The following C4orf36 variants were observed in gnomAD, a reference collection of about 807,000 sequenced individuals.
C4orf36 encodes the protein uncharacterized protein C4orf36.
In C4orf36, 11 loss-of-function variants were observed where a neutral mutation model predicts 12.2. The observed-to-expected ratio is 0.90, with a 90% confidence interval of 0.57 to 1.49. The LOEUF (loss-of-function observed/expected upper bound fraction) is 1.49. C4orf36 is among the 40% of genes most tolerant of loss of function. The pLI is 0.00. For missense variants in C4orf36, 137 were observed against 133.9 expected, an observed-to-expected ratio of 1.02 and a Z score of -0.11; for synonymous variants, 54 against 51.3, an observed-to-expected ratio of 1.05 and a Z score of -0.22.
the C4orf36 span, among the ~76,000 whole-genome samples, chr4:86,908,733 C>T: frequency 1.3e-5 from 2 of 150,328 alleles, no homozygotes; most frequent in Non-Finnish European, 3.0e-5. Context: ...GCTGTGATAA[C>T]TTCTGGGATA....
chr4:86,886,940 A>G (rs1747194040), intron 4 of C4orf36: 1 of 152,248 alleles, frequency 6.6e-6, no homozygotes, highest in Admixed American at 6.5e-5. Context: ...GCCATAAAAA[A>G]TAATGAGTTC....
At chr4:86,896,621 T>C (rs570709199), upstream of C4orf36, among the ~76,000 whole-genome samples, 4 of 152,314 alleles carry the variant, frequency 2.6e-5, no homozygotes, top group East Asian at 7.7e-4. Context: ...CGCCCTTAAA[T>C]TTATGTCTTC....
the C4orf36 span, among the ~76,000 whole-genome samples, chr4:86,923,414 T>A: frequency 6.6e-6 from 1 of 152,100 alleles, no homozygotes; most frequent in African/African-American, 2.4e-5. Context: ...AGAGTTATCC[T>A]TTATCTGTCT....
At chr4:86,913,260 C>G in the C4orf36 span, 2 of 595,494 alleles carry the variant, frequency 3.4e-6, no homozygotes, top group Admixed American at 2.0e-5. Context: ...AGCTTCACAT[C>G]CAGAGGCCCT....
At chr4:86,922,157 A>G in the C4orf36 span, among the ~76,000 whole-genome samples, 2 of 152,212 alleles carry the variant, frequency 1.3e-5, no homozygotes, top group African/African-American at 2.4e-5. Flanking sequence ...AAAGATGGAA[A>G]ATGGTCTAAC....
At chr4:86,883,448 T>C (rs568256201) in intron 4 of C4orf36, among the ~76,000 whole-genome samples, 38 of 152,338 alleles carry the variant, frequency 2.5e-4, no homozygotes, top group African/African-American at 8.2e-4. Context: ...CAATATAATA[T>C]ATCTTCTATA....
chr4:86,890,896 G>A lies in C4orf36; in HGVS notation c.65+560C>T, dbSNP rs571332581. 6.3e-4 allele frequency among the ~76,000 whole-genome samples: 96 copies of A among 152,326 alleles called. 3 individuals are homozygous for A. In the South Asian group the frequency reaches 0.019, roughly 30 times the overall value. ...TGCATCTTGCAGATGCAGAGATCAA[G>A]GTACGAAGAAGATGGCCTTAGGGAG... On this transcript the variant is annotated intron_variant, in intron 2 of 4. Transcript: ENST00000295898.
the C4orf36 span, among the ~76,000 whole-genome samples, chr4:86,919,608 A>G: frequency 2.6e-5 from 4 of 152,068 alleles, no homozygotes; most frequent in Non-Finnish European, 5.9e-5. Flanking sequence ...TACAGGCATG[A>G]GCTACTGCGC....
chr4:86,891,366 G>C, intron 2 of C4orf36, 90 bp downstream of exon 2: 2 of 1,206,264 alleles, frequency 1.7e-6, no homozygotes, highest in Non-Finnish European at 1.2e-6. Context: ...CTCATGGGGA[G>C]CACAGAGTGT....
chr4:86,925,806 C>T, the C4orf36 span: 2 of 150,594 alleles, frequency 1.3e-5, no homozygotes, highest in South Asian at 4.2e-4. Flanking sequence ...ACTTTTCAAT[C>T]TGAAATCATT....
At chr4:86,922,420 C>G in the C4orf36 span, among the ~76,000 whole-genome samples, 1 of 152,324 alleles carries the variant, frequency 6.6e-6, no homozygotes, top group East Asian at 1.9e-4. Context: ...GAGGGTAACA[C>G]TGTGCCAGTT....
chr4:86,898,129 C>T, the C4orf36 span, among the ~76,000 whole-genome samples: 5 of 152,276 alleles, frequency 3.3e-5, no homozygotes, highest in South Asian at 2.1e-4. Context: ...AAGTGGCTCA[C>T]GCCTGTAATC....
intron 4 of C4orf36, among the ~76,000 whole-genome samples, chr4:86,884,860 A>G (rs1302192890): frequency 1.3e-5 from 2 of 152,166 alleles, no homozygotes; most frequent in East Asian, 3.9e-4. Context: ...TCTGTAATCC[A>G]TCTTGAATTA....
At chr4:86,900,925 A>G in the C4orf36 span, among the ~76,000 whole-genome samples, 9,467 of 151,932 alleles carry the variant, frequency 0.062, 434 homozygotes, top group Non-Finnish European at 0.088. Flanking sequence ...AACACAGCAG[A>G]GTGAGCTGTT....
At chr4:86,878,650 T>C (rs1347180099) in intron 4 of C4orf36, among the ~76,000 whole-genome samples, 2 of 152,218 alleles carry the variant, frequency 1.3e-5, no homozygotes, top group African/African-American at 4.8e-5. Flanking sequence ...AACCCCATTT[T>C]TCCTCAGGAG....
chr4:86,898,144 C>A, the C4orf36 span, among the ~76,000 whole-genome samples: 1 of 152,214 alleles, frequency 6.6e-6, no homozygotes, highest in Non-Finnish European at 1.5e-5. Context: ...GTAATCCCAG[C>A]ACATTAGGAA....
At chr4:86,902,619 C>T in the C4orf36 span, among the ~76,000 whole-genome samples, 2 of 152,074 alleles carry the variant, frequency 1.3e-5, no homozygotes, top group Non-Finnish European at 1.5e-5. Context: ...CACCACCTGC[C>T]TTTACCTTAG....
At chr4:86,903,232 C>T in the C4orf36 span, among the ~76,000 whole-genome samples, 2 of 152,236 alleles carry the variant, frequency 1.3e-5, no homozygotes, top group African/African-American at 4.8e-5. Context: ...AGTGGCCAGG[C>T]CCGGTGGCTT....
chr4:86,879,073 G>A (rs1328367534), intron 4 of C4orf36, among the ~76,000 whole-genome samples: 1 of 152,078 alleles, frequency 6.6e-6, no homozygotes, highest in Non-Finnish European at 1.5e-5. Context: ...GGTTTGGGGG[G>A]TTTTGGTTTT....
Sources: gnomAD v4.1 joint callset for allele counts (sites outside exome capture counted in the v4.1 genomes callset) on GRCh38, gnomAD v4.1.1 for gene constraint, MANE v1.5 for transcripts, NCBI Gene and HGNC (gene_info 2026-07-23, HGNC 2026-07-21) for gene names.